RBFOX1: variants seen among roughly 807,000 people sequenced by gnomAD.
RBFOX1 encodes RNA binding fox-1 homolog 1, also known as RNA binding protein fox-1 homolog 1.
RBFOX1 carries 8 observed loss-of-function variants against 57.7 expected under a neutral mutation model. The observed-to-expected ratio is 0.14, with a 90% CI of 0.08 to 0.25. The LOEUF (loss-of-function observed/expected upper bound fraction) is 0.25, where lower values mean the gene tolerates loss of function less well. RBFOX1 is among the 10% of genes least tolerant of loss of function. The pLI is 1.00. For missense variants in RBFOX1, 611 were observed against 548.5 expected, an observed-to-expected ratio of 1.11 and a Z score of -1.14; for synonymous variants, 326 against 222.4, an observed-to-expected ratio of 1.47 and a Z score of -4.15.
At chr16:5,649,908 T>G (rs1486360092) in intron 3 of RBFOX1, among the ~76,000 whole-genome samples, 3 of 152,114 alleles carry the variant, frequency 2.0e-5, no homozygotes, top group African/African-American at 4.8e-5. Context: ...TGTGAAGCAC[T>G]TCATCAGAGG....
intron 4 of RBFOX1, among the ~76,000 whole-genome samples, chr16:5,928,930 A>G (rs1480046480): frequency 6.6e-6 from 1 of 151,792 alleles, no homozygotes; most frequent in Non-Finnish European, 1.5e-5. Context: ...CAGAGCTCGC[A>G]ATGTGGCTGC....
intron 3 of RBFOX1, among the ~76,000 whole-genome samples, chr16:6,914,039 A>T (rs2072437833): frequency 6.6e-6 from 1 of 152,212 alleles, no homozygotes; most frequent in South Asian, 2.1e-4. Context: ...AGCAAAAAAT[A>T]GTGTTGCATT....
chr16:5,746,389 TTC>T (rs2052982644), intron 3 of RBFOX1, among the ~76,000 whole-genome samples: 1 of 152,224 alleles, frequency 6.6e-6, no homozygotes, highest in Non-Finnish European at 1.5e-5. Context: ...TCCAGCTTTG[TTC>T]TTTTGGTTTA....
chr16:6,753,838 G>C (rs577258904), intron 3 of RBFOX1, among the ~76,000 whole-genome samples: 1 of 152,126 alleles, frequency 6.6e-6, no homozygotes, highest in African/African-American at 2.4e-5. Context: ...TGGGCTTGAG[G>C]GATTTTTGCC....
chr16:5,724,805 A>G (rs927077304), intron 3 of RBFOX1, among the ~76,000 whole-genome samples: 1 of 152,164 alleles, frequency 6.6e-6, no homozygotes, highest in Non-Finnish European at 1.5e-5. Flanking sequence ...TTGGATATCT[A>G]CACCAGCCCA....
intron 1 of RBFOX1, among the ~76,000 whole-genome samples, chr16:6,239,947 G>T (rs1393694094): frequency 6.6e-6 from 1 of 152,192 alleles, no homozygotes; most frequent in Non-Finnish European, 1.5e-5. Flanking sequence ...ATGGTGGGGG[G>T]TGTTTCGGTT....
intron 4 of RBFOX1, among the ~76,000 whole-genome samples, chr16:7,187,559 G>C (rs930598849): frequency 2.0e-5 from 3 of 151,178 alleles, no homozygotes; most frequent in African/African-American, 7.3e-5. Context: ...CGTGGTGGCG[G>C]GCGCCTGTAG....
At chr16:7,460,033 C>A (rs955405991) in intron 4 of RBFOX1, among the ~76,000 whole-genome samples, 9 of 151,986 alleles carry the variant, frequency 5.9e-5, no homozygotes, top group Non-Finnish European at 1.2e-4. Flanking sequence ...AGAATGTTAG[C>A]AAGAATTCAA....
chr16:6,911,912 G>A (rs1160981752), intron 3 of RBFOX1, among the ~76,000 whole-genome samples: 1 of 152,118 alleles, frequency 6.6e-6, no homozygotes, highest in African/African-American at 2.4e-5. Flanking sequence ...GCCAAATATA[G>A]AAGACACAGT....
chr16:5,542,470 G>A (rs1213757670), intron 2 of RBFOX1, among the ~76,000 whole-genome samples: 1 of 151,310 alleles, frequency 6.6e-6, no homozygotes, highest in African/African-American at 2.4e-5. Context: ...TATTGACTAG[G>A]CTGGTCTCAA....
chr16:6,333,999 G>T (rs965496863), intron 2 of RBFOX1, among the ~76,000 whole-genome samples: 4 of 152,244 alleles, frequency 2.6e-5, no homozygotes, highest in South Asian at 4.1e-4. Flanking sequence ...GTGGGGGTAG[G>T]GGGGAGCAGG....
At chr16:5,588,637 C>T (rs949171062) in intron 2 of RBFOX1, among the ~76,000 whole-genome samples, 2 of 152,128 alleles carry the variant, frequency 1.3e-5, no homozygotes, top group Non-Finnish European at 1.5e-5. Context: ...CCCATGTGAG[C>T]AATGGACAGC....
chr16:5,398,754 G>C (rs559489166), intron 1 of RBFOX1, among the ~76,000 whole-genome samples: 9 of 152,282 alleles, frequency 5.9e-5, no homozygotes, highest in Non-Finnish European at 1.2e-4. Context: ...GATTCCATGG[G>C]AGCGAGGGAA....
chr16:5,486,972 C>G (rs546013970), intron 2 of RBFOX1, among the ~76,000 whole-genome samples: 1 of 152,136 alleles, frequency 6.6e-6, no homozygotes, highest in African/African-American at 2.4e-5. Flanking sequence ...AGACTCCGGT[C>G]CCCTGTAATA....
chr16:6,947,956 T>C (rs959335115), intron 3 of RBFOX1, among the ~76,000 whole-genome samples: 1 of 151,852 alleles, frequency 6.6e-6, no homozygotes, highest in Non-Finnish European at 1.5e-5. Flanking sequence ...TTTGTATTTT[T>C]TAAATAGAGA....
chr16:6,252,271 A>C (rs2097621467), intron 1 of RBFOX1, among the ~76,000 whole-genome samples: 1 of 152,168 alleles, frequency 6.6e-6, no homozygotes, highest in Non-Finnish European at 1.5e-5. Flanking sequence ...AAAAGAAGAA[A>C]GGTAAAATGG....
At chr16:5,626,674 G>A (rs1334618660) in intron 3 of RBFOX1, among the ~76,000 whole-genome samples, 1 of 152,038 alleles carries the variant, frequency 6.6e-6, no homozygotes, top group African/African-American at 2.4e-5. Context: ...ATATTCATCA[G>A]TTCTAGACAA....
chr16:5,258,963 C>T (rs759049519), intron 1 of RBFOX1, among the ~76,000 whole-genome samples: 10 of 152,074 alleles, frequency 6.6e-5, no homozygotes, highest in Non-Finnish European at 1.2e-4. Flanking sequence ...AAGCACACTC[C>T]ATTTCCCATC....
chr16:6,865,161 C>G (rs765512946), intron 3 of RBFOX1, among the ~76,000 whole-genome samples: 2 of 151,818 alleles, frequency 1.3e-5, no homozygotes, highest in African/African-American at 4.8e-5. Flanking sequence ...CACCACCACT[C>G]CTGGGTAATT....
Sources: gnomAD v4.1 joint callset for allele counts (sites outside exome capture counted in the v4.1 genomes callset) on GRCh38, gnomAD v4.1.1 for gene constraint, MANE v1.5 for transcripts, NCBI Gene and HGNC (gene_info 2026-07-23, HGNC 2026-07-21) for gene names.